The following TMX4 variants were observed in gnomAD, a reference collection of about 807,000 sequenced individuals.
The protein encoded by TMX4 is thioredoxin related transmembrane protein 4, also known as thioredoxin-related transmembrane protein 4.
Under a neutral mutation model 33.3 loss-of-function variants are expected in TMX4, and 23 were observed. The observed-to-expected ratio is 0.69, with a 90% CI of 0.50 to 0.98. The LOEUF is 0.98. Among genes scored for constraint, TMX4 ranks in the 50% least tolerant of loss-of-function variants. The pLI, the probability that TMX4 is intolerant of heterozygous loss-of-function variation, is 0.00. For synonymous variants in TMX4, 164 were observed against 161.5 expected (o/e 1.02, Z -0.12); for missense variants, 399 against 448.9 (o/e 0.89, Z 1.01).
At chr20:8,010,384 T>A in intron 1 of TMX4, 69 bp from the exon 2 acceptor site, 1 of 942,698 alleles carries the variant, frequency 1.1e-6, no homozygotes, top group Non-Finnish European at 1.5e-6. Context: ...AGAAATCGAG[T>A]ATTTAAATTA....
At chr20:8,013,625 T>C (rs1414978357) in intron 1 of TMX4, 2 of 152,192 alleles carry the variant, frequency 1.3e-5, no homozygotes, top group Non-Finnish European at 2.9e-5. Context: ...TGGAACGAGG[T>C]TGAAGGACCT....
In TMX4 at chr20:7,987,304, C is replaced by A. The variant is rs775839246; in HGVS notation, c.599G>T (p.Gly200Val). 9 of 1,589,842 alleles carry A rather than the reference C, an allele frequency of 5.7e-6. No homozygotes were observed. Among genetic ancestry groups the A allele is most frequent in the Non-Finnish European group, 6.8e-6 (8 of 1,172,950 alleles). Reference protein sequence around the residue: ...VFFVIATLVFGLFMGLVLVVI... With the variant: ...VFFVIATLVFVLFMGLVLVVI... ...ATCTCTTACCAGACCCATAAAAAGG[C>A]CAAAAACCAAGGTGGCTATGACGAA... Residue 200 changes from glycine (G) to valine (V), a missense_variant, in exon 6 of 8, where the codon GGC becomes GTC. Transcript: ENST00000246024.
rs2050707313 is a variant in TMX4, at chr20:8,001,495, C to T, written c.338+1G>A. 6.3e-7 allele frequency: 1 copy of T among 1,593,922 alleles called. No homozygotes were observed. Among genetic ancestry groups the T allele is most frequent in the Non-Finnish European group, 8.6e-7 (1 of 1,167,778 alleles). On this transcript the variant is annotated splice_donor_variant, in intron 3 of 7. Coordinates refer to ENST00000246024, the MANE Select transcript of TMX4 (RefSeq NM_021156.4). LOFTEE classifies it high-confidence loss of function. Reference sequence around the variant, plus strand: ...AAGATTAGAAGATTATTTAAACTTACTGAAAAAATGCTGGGAGAGTGGTGA... The same window carrying T: ...AAGATTAGAAGATTATTTAAACTTATTGAAAAAATGCTGGGAGAGTGGTGA...
At chr20:8,014,550 A>G (rs2050764841) in intron 1 of TMX4, among the ~76,000 whole-genome samples, 1 of 152,222 alleles carries the variant, frequency 6.6e-6, no homozygotes, top group Non-Finnish European at 1.5e-5. Context: ...TTAAAAGCTT[A>G]TAATAGAGGT....
At position 7,981,276 on chromosome 20, in the gene TMX4, G is replaced by C. The variant is rs2050604693; in HGVS notation, c.*975C>G. The C allele has an allele frequency of 6.6e-6, 1 of 152,078 alleles. No homozygotes were observed. Among genetic ancestry groups the C allele is most frequent in the Non-Finnish European group, 1.5e-5 (1 of 68,022 alleles). 9.4% of individuals were successfully genotyped at this position (152,078 alleles called of 1,614,324 possible). ...TATTATTAAAGTAGTTCAAGACCCAGGGAACCCCTTGAGATGAAAACAAAA... is the reference window on the plus strand; with the variant it reads ...TATTATTAAAGTAGTTCAAGACCCACGGAACCCCTTGAGATGAAAACAAAA... On this transcript the variant is annotated 3_prime_UTR_variant, in exon 8 of 8. Coordinates refer to ENST00000246024, the MANE Select transcript of TMX4 (RefSeq NM_021156.4).
chr20:8,013,603 G>A (rs778069250), intron 1 of TMX4, among the ~76,000 whole-genome samples: 1 of 152,106 alleles, frequency 6.6e-6, no homozygotes, highest in Admixed American at 6.6e-5. Context: ...CATGTTGTCC[G>A]TGTTTTGTTG....
At position 8,019,437 on chromosome 20, in the gene TMX4, C is replaced by A; in HGVS notation, c.176+1G>T. ...CGTCCGGGGCGGGCGGGCACACTCA[C>A]AATTTCAGCATCCACTCGCCCTCCA... On this transcript the variant is annotated splice_donor_variant, in intron 1 of 7. Coordinates refer to ENST00000246024, the MANE Select transcript of TMX4 (RefSeq NM_021156.4). LOFTEE classifies it high-confidence loss of function. 1 of 1,516,464 alleles carries A rather than the reference C, an allele frequency of 6.6e-7. No homozygotes were observed. Among genetic ancestry groups the A allele is most frequent in the African/African-American group, 1.4e-5 (1 of 69,030 alleles). 93.9% of individuals were successfully genotyped at this position (1,516,464 alleles called of 1,614,324 possible). A position where few individuals can be genotyped will look rare whatever the true frequency, so the allele number is the denominator to read the frequency against.
At chr20:8,012,957 C>A (rs903499657) in intron 1 of TMX4, among the ~76,000 whole-genome samples, 1 of 152,166 alleles carries the variant, frequency 6.6e-6, no homozygotes, top group African/African-American at 2.4e-5. Flanking sequence ...TAAGCCAGCT[C>A]TGAGTCTTTA....
At chr20:8,007,835 G>GGTA (rs1216450520) in intron 2 of TMX4, among the ~76,000 whole-genome samples, 1 of 152,152 alleles carries the variant, frequency 6.6e-6, no homozygotes, top group Non-Finnish European at 1.5e-5. Flanking sequence ...TAACTTAAGA[G>GGTA]GTAGCTCCAA....
intron 2 of TMX4, 24 bp from the exon 3 acceptor site, chr20:8,001,565 A>G (rs2050707669): frequency 1.3e-6 from 2 of 1,589,598 alleles, no homozygotes; most frequent in Admixed American, 1.7e-5. Flanking sequence ...AAACAGAACA[A>G]AAGTTACACT....
chr20:7,996,812 T>C (rs1833683022), intron 4 of TMX4, among the ~76,000 whole-genome samples: 1 of 152,026 alleles, frequency 6.6e-6, no homozygotes, highest in African/African-American at 2.4e-5. Context: ...TTAAAAAGAG[T>C]ATCCCTGGAC....
chr20:8,014,704 A>C (rs2050765742), intron 1 of TMX4, among the ~76,000 whole-genome samples: 1 of 152,240 alleles, frequency 6.6e-6, no homozygotes, highest in South Asian at 2.1e-4. Flanking sequence ...GCACCTGTTT[A>C]AGTGGTGAAC....
chr20:8,016,937 T>G (rs2050778008), intron 1 of TMX4, among the ~76,000 whole-genome samples: 1 of 152,198 alleles, frequency 6.6e-6, no homozygotes, highest in Non-Finnish European at 1.5e-5. Context: ...CTGAACTAAG[T>G]GTCAAGATGA....
At chr20:8,018,990 T>C (rs1568541530) in intron 1 of TMX4, 2 of 448,566 alleles carry the variant, frequency 4.5e-6, no homozygotes, top group Admixed American at 2.4e-5. Flanking sequence ...GTATTCATAC[T>C]GCACGTGGAT....
Position 7,982,133 on chromosome 20 carries a change from G to A in TMX4, c.*118C>T, listed in dbSNP as rs1383451570. On this transcript the variant is annotated 3_prime_UTR_variant, in exon 8 of 8. Coordinates refer to ENST00000246024, the MANE Select transcript of TMX4 (RefSeq NM_021156.4). ...TGCCATGAGACCAAATGACTAGAGA[G>A]CATCTTTTAAGAGAAGCTTGCTCAT... 2 of 1,053,600 alleles carry A rather than the reference G, an allele frequency of 1.9e-6. No homozygotes were observed. Among genetic ancestry groups the A allele is most frequent in the Non-Finnish European group, 2.7e-6 (2 of 743,976 alleles). 65.3% of individuals were successfully genotyped at this position (1,053,600 alleles called of 1,614,324 possible). A position where few individuals can be genotyped will look rare whatever the true frequency, so the allele number is the denominator to read the frequency against.
rs1228953850 is a variant in TMX4, at chr20:7,978,566, T to C, written c.*3685A>G. On this transcript the variant is annotated 3_prime_UTR_variant, in exon 8 of 8. Transcript: ENST00000246024. ...ATAAAAAGTCAAATTTTGTTTTTTT[T>C]CCACTATCAAAAGCCAACTCAGCTG... 2 of 152,232 alleles carry C rather than the reference T, an allele frequency of 1.3e-5. No homozygotes were observed. The highest frequency in any genetic ancestry group is 2.4e-5 in the African/African-American group (1 of 41,464). The allele number at this position is 152,232 out of a possible 1,614,324, so 9.4% of individuals were successfully genotyped here. A position where few individuals can be genotyped will look rare whatever the true frequency, so the allele number is the denominator to read the frequency against.
intron 1 of TMX4, 56 bp from the exon 2 acceptor site, chr20:8,010,371 C>A (rs2050748088): frequency 3.6e-6 from 4 of 1,125,514 alleles, no homozygotes; most frequent in East Asian, 2.8e-5. Flanking sequence ...ATCTGCAAAA[C>A]AGAGAAATCG....
intron 1 of TMX4, chr20:8,018,934 C>A: frequency 2.4e-6 from 1 of 418,430 alleles, no homozygotes; most frequent in Admixed American, 2.7e-5. Flanking sequence ...CCTGCCTTCA[C>A]CGTGCTGCAA....
chr20:8,010,163 G>A (rs767306754), intron 2 of TMX4, 37 bp downstream of exon 2: 4 of 1,550,888 alleles, frequency 2.6e-6, no homozygotes, highest in African/African-American at 1.4e-5. Context: ...TAAAAAGTCG[G>A]TAAACTTTTG....
Sources: allele counts gnomAD v4.1 joint callset (sites outside exome capture counted in the v4.1 genomes callset), GRCh38; gene constraint gnomAD v4.1.1; transcripts MANE v1.5; gene names NCBI Gene and HGNC (gene_info 2026-07-23, HGNC 2026-07-21).